ATP5MC2: variants seen among roughly 807,000 people sequenced by gnomAD.
The protein encoded by ATP5MC2 is ATP synthase membrane subunit c locus 2, also known as ATP synthase F(0) complex subunit C2, mitochondrial.
A neutral mutation model predicts 13.5 loss-of-function variants in ATP5MC2; 11 were observed. That is an observed-to-expected ratio of 0.81 (90% CI 0.51 to 1.35). ATP5MC2 has a LOEUF of 1.35. Ranked by LOEUF, ATP5MC2 falls within the 40% of genes most tolerant of loss-of-function variation. The pLI is 0.00. For synonymous variants in ATP5MC2, 64 were observed against 69.7 expected, an observed-to-expected ratio of 0.92 and a Z score of 0.41; for missense variants, 132 against 175.0, an observed-to-expected ratio of 0.75 and a Z score of 1.39.
At chr12:53,665,488 A>C in intron 4 of ATP5MC2, 60 bp from the exon 5 acceptor site, 1 of 1,336,920 alleles carries the variant, frequency 7.5e-7, no homozygotes, top group Non-Finnish European at 1.1e-6. Flanking sequence ...AAGGATAAAT[A>C]TCTAAGATGG....
At chr12:53,666,227 T>A (rs1035661106) in intron 4 of ATP5MC2, among the ~76,000 whole-genome samples, 1 of 151,724 alleles carries the variant, frequency 6.6e-6, no homozygotes, top group African/African-American at 2.4e-5. Context: ...GTAGATTGCT[T>A]GAGGTCAGGA....
At chr12:53,671,813 C>G (rs950674482) in intron 2 of ATP5MC2, among the ~76,000 whole-genome samples, 23 of 152,144 alleles carry the variant, frequency 1.5e-4, no homozygotes, top group Admixed American at 6.6e-4. Flanking sequence ...CGGCGGATCA[C>G]CTGAGGTCAG....
In ATP5MC2 at chr12:53,672,083, CAAAAA is replaced by C. The variant is rs916010110; in HGVS notation, c.39+488_39+492del. Among the ~76,000 whole-genome samples, 33 of 47,184 alleles carry C rather than the reference CAAAAA, an allele frequency of 7.0e-4. 1 individual carries two copies. The highest frequency in any genetic ancestry group is 2.2e-3 in the African/African-American group (24 of 10,932). 31.0% of individuals were successfully genotyped at this position (47,184 alleles called of 152,430 possible). On this transcript the variant is annotated intron_variant, in intron 2 of 4. Transcript: ENST00000394349. Reference sequence around the variant, plus strand: ...GGGCAACAAGAGCGAAACTCTGTCTCAAAAAAAAAAAAAAAAAAAAAATTAACTGG... The same window carrying C: ...GGGCAACAAGAGCGAAACTCTGTCTCAAAAAAAAAAAAAAAAATTAACTGG...
At chr12:53,675,871 G>A (rs1440261714) in intron 1 of ATP5MC2, among the ~76,000 whole-genome samples, 182 bp downstream of exon 1, 2 of 152,240 alleles carry the variant, frequency 1.3e-5, no homozygotes, top group Admixed American at 6.5e-5. Context: ...CCAGGCCCGC[G>A]CGGTTGGAGG....
intron 2 of ATP5MC2, chr12:53,670,205 C>A: frequency 2.0e-6 from 1 of 499,672 alleles, no homozygotes; most frequent in East Asian, 4.7e-5. Context: ...AGGGAGCATC[C>A]AACCTTGCTA....
chr12:53,676,066 A>C lies in ATP5MC2; in HGVS notation c.-45T>G. On this transcript the variant is annotated 5_prime_UTR_variant, in exon 1 of 5. Coordinates refer to ENST00000394349, the MANE Select transcript of ATP5MC2 (RefSeq NM_005176.7). The stretch of plus-strand genomic sequence containing the variant: ...CCAAGGCCTTACCTGCTCCCACTGC[A>C]GAGAAGACAGAGAGGGGCGGAGCAG... The C allele has an allele frequency of 6.2e-7, 1 of 1,614,146 alleles. No individual in the cohort carries two copies. The highest frequency in any genetic ancestry group is 8.5e-7 in the Non-Finnish European group (1 of 1,180,026).
intron 1 of ATP5MC2, 113 bp from the exon 2 acceptor site, chr12:53,672,758 T>A: frequency 1.1e-6 from 1 of 907,012 alleles, no homozygotes; most frequent in Non-Finnish European, 1.7e-6. Flanking sequence ...TGACTGACCT[T>A]AAGTCATTGG....
chr12:53,676,250 C>G (rs569240420), upstream of ATP5MC2: 27 of 1,587,820 alleles, frequency 1.7e-5, no homozygotes, highest in Admixed American at 7.1e-5. Context: ...ACCTGGCGTT[C>G]GAGAGGAGAA....
chr12:53,676,208 C>CA, upstream of ATP5MC2: 4 of 1,609,746 alleles, frequency 2.5e-6, no homozygotes, highest in Non-Finnish European at 3.4e-6. Context: ...CGCCGCCTGC[C>CA]AGGGCTGTGG....
At chr12:53,668,315 T>C (rs534913582) in intron 4 of ATP5MC2, among the ~76,000 whole-genome samples, 18 of 150,626 alleles carry the variant, frequency 1.2e-4, no homozygotes, top group East Asian at 1.2e-3. Context: ...TTTTTTTTTT[T>C]CCCCAAAGTC....
chr12:53,671,155 A>C (rs1945085045), intron 2 of ATP5MC2, among the ~76,000 whole-genome samples: 1 of 152,166 alleles, frequency 6.6e-6, no homozygotes, highest in African/African-American at 2.4e-5. Flanking sequence ...AGTGACACCA[A>C]AACAGACACA....
At chr12:53,680,975 T>C (rs137863627), upstream of ATP5MC2, among the ~76,000 whole-genome samples, 6,101 of 152,162 alleles carry the variant, frequency 0.04, 406 homozygotes, top group African/African-American at 0.14. Flanking sequence ...GGCATGATCT[T>C]GGCTCACTGC....
At chr12:53,677,074 C>A (rs1346160919), upstream of ATP5MC2, 5 of 152,234 alleles carry the variant, frequency 3.3e-5, no homozygotes, top group Non-Finnish European at 7.3e-5. Context: ...GCTCACCAAA[C>A]CCCATAAAAA....
At position 53,665,280 on chromosome 12, in the gene ATP5MC2, C is replaced by A. The variant is rs775959521; in HGVS notation, c.*34G>T. ...AAAGGAACACACGGGGCCAACCAGA[C>A]GCGGGAGAACTATGGGAGGTGGAGA... On this transcript the variant is annotated 3_prime_UTR_variant, in exon 5 of 5. Coordinates refer to ENST00000394349, the MANE Select transcript of ATP5MC2 (RefSeq NM_005176.7). 11 of 1,563,430 alleles carry A rather than the reference C, an allele frequency of 7.0e-6. No individual in the cohort carries two copies. In the South Asian group the frequency reaches 1.2e-4, roughly 18 times the overall value.
At chr12:53,679,097 G>T (rs1358743536), upstream of ATP5MC2, among the ~76,000 whole-genome samples, 1 of 152,180 alleles carries the variant, frequency 6.6e-6, no homozygotes, top group Non-Finnish European at 1.5e-5. Flanking sequence ...TTCTACAAAG[G>T]TCACCAAGGA....
chr12:53,674,215 G>A (rs1184720164), intron 1 of ATP5MC2, among the ~76,000 whole-genome samples: 1 of 152,044 alleles, frequency 6.6e-6, no homozygotes, highest in Non-Finnish European at 1.5e-5. Context: ...AGGTGGAAGT[G>A]CACCTGTAGT....
At chr12:53,672,437 G>T in intron 2 of ATP5MC2, 139 bp downstream of exon 2, 1 of 917,666 alleles carries the variant, frequency 1.1e-6, no homozygotes, top group Non-Finnish European at 1.7e-6. Context: ...GGCCAGGCTG[G>T]TTTTGAACTC....
chr12:53,680,132 T>A (rs1392221265), upstream of ATP5MC2, among the ~76,000 whole-genome samples: 1 of 152,110 alleles, frequency 6.6e-6, no homozygotes, highest in Non-Finnish European at 1.5e-5. Flanking sequence ...ACTACAGGCA[T>A]GCGCCACCAT....
At chr12:53,665,751 A>ATGGAAGAGGCATCCCGAG (rs71068159) in intron 4 of ATP5MC2, among the ~76,000 whole-genome samples, 1 of 151,916 alleles carries the variant, frequency 6.6e-6, no homozygotes, top group Admixed American at 6.6e-5. Context: ...CCCAAATAGG[A>ATGGAAGAGGCATCCCGAG]TGGAAGGGTC....
Sources: gnomAD v4.1 joint callset for allele counts (sites outside exome capture counted in the v4.1 genomes callset) on GRCh38, gnomAD v4.1.1 for gene constraint, MANE v1.5 for transcripts, NCBI Gene and HGNC (gene_info 2026-07-23, HGNC 2026-07-21) for gene names.